TMEM135: variants seen among roughly 807,000 people sequenced by gnomAD.
TMEM135 encodes transmembrane protein 135, also known as peroxisomal membrane protein 52.
In TMEM135, 30 loss-of-function variants were observed where a neutral mutation model predicts 60.3. That is an observed-to-expected ratio of 0.50 (90% CI 0.37 to 0.68). The LOEUF (loss-of-function observed/expected upper bound fraction) is 0.68, where lower values mean the gene tolerates loss of function less well. Ranked by LOEUF, TMEM135 falls within the 30% of genes least tolerant of loss-of-function variation. TMEM135 has a pLI of 0.00. For synonymous variants in TMEM135, 190 were observed against 186.7 expected (o/e 1.02, Z -0.14); for missense variants, 468 against 548.8 (o/e 0.85, Z 1.47).
intron 4 of TMEM135, among the ~76,000 whole-genome samples, chr11:87,136,585 TA>T (rs1174862041): frequency 6.6e-6 from 1 of 152,074 alleles, no homozygotes; most frequent in African/African-American, 2.4e-5. Context: ...ATTTCTTCCT[TA>T]AATGTTTGGT....
At chr11:87,101,320 C>T (rs971501858) in intron 4 of TMEM135, among the ~76,000 whole-genome samples, 1 of 152,116 alleles carries the variant, frequency 6.6e-6, no homozygotes, top group Non-Finnish European at 1.5e-5. Flanking sequence ...GCAAAATTTG[C>T]ACTTGCATGA....
At chr11:87,186,914 T>C (rs1237071303) in intron 5 of TMEM135, among the ~76,000 whole-genome samples, 1 of 152,184 alleles carries the variant, frequency 6.6e-6, no homozygotes, top group Non-Finnish European at 1.5e-5. Flanking sequence ...ATAATAAGGA[T>C]AATAAAACAA....
Position 87,321,218 on chromosome 11 carries a change from G to A in TMEM135, c.1262G>A (p.Arg421Gln), listed in dbSNP as rs1459139056. Residue 421 changes from arginine to glutamine, a missense_variant, in exon 15 of 15, where the codon CGA becomes CAA. Coordinates refer to ENST00000305494, the MANE Select transcript of TMEM135 (RefSeq NM_022918.4). ...TTTTACAGATTTGCTGTCATGAACC[G>A]AAAAGTCCTTGATGTTTTTGGTACT... is the stretch of plus-strand genomic sequence containing the variant. Reference protein sequence around the residue: ...LTKGKFAVMNRKVLDVFGTGA... With the variant: ...LTKGKFAVMNQKVLDVFGTGA... 6 of 1,613,196 alleles carry A rather than the reference G, an allele frequency of 3.7e-6. No homozygotes were observed. Among genetic ancestry groups the A allele is most frequent in the East Asian group, 2.2e-5 (1 of 44,854 alleles).
chr11:87,223,872 A>AGAAG (rs34592561), intron 5 of TMEM135, among the ~76,000 whole-genome samples: 1 of 150,992 alleles, frequency 6.6e-6, no homozygotes, highest in African/African-American at 2.4e-5. Context: ...AAAGAAAGAA[A>AGAAG]AAACCCCCAA....
At chr11:87,057,422 G>T (rs577052215) in intron 1 of TMEM135, among the ~76,000 whole-genome samples, 9 of 152,148 alleles carry the variant, frequency 5.9e-5, no homozygotes, top group Non-Finnish European at 1.3e-4. Context: ...TGGCTTTCTT[G>T]TTTTGTTTTT....
At chr11:87,122,230 A>T (rs1336389014) in intron 4 of TMEM135, among the ~76,000 whole-genome samples, 1 of 151,346 alleles carries the variant, frequency 6.6e-6, no homozygotes, top group Non-Finnish European at 1.5e-5. Flanking sequence ...CAGCTTCCCC[A>T]TAACAATGAC....
At chr11:87,147,878 C>T (rs1324264657) in intron 4 of TMEM135, among the ~76,000 whole-genome samples, 1 of 152,206 alleles carries the variant, frequency 6.6e-6, no homozygotes, top group Non-Finnish European at 1.5e-5. Flanking sequence ...CTGCCTCAGC[C>T]TCCCGAGTAG....
At chr11:87,285,735 G>A (rs1018244916) in intron 6 of TMEM135, among the ~76,000 whole-genome samples, 30 of 152,208 alleles carry the variant, frequency 2.0e-4, no homozygotes, top group Admixed American at 1.5e-3. Context: ...AAGGGGACCC[G>A]AGCAGGTTGG....
intron 4 of TMEM135, among the ~76,000 whole-genome samples, chr11:87,137,277 A>G (rs1161598320): frequency 6.6e-6 from 1 of 151,982 alleles, no homozygotes; most frequent in African/African-American, 2.4e-5. Context: ...AAAAAAAAAA[A>G]AATCACTGAC....
chr11:87,240,867 A>T (rs1458394412), intron 6 of TMEM135, among the ~76,000 whole-genome samples: 3 of 142,278 alleles, frequency 2.1e-5, no homozygotes, highest in South Asian at 2.4e-4. Flanking sequence ...AACAAATCCA[A>T]GTTTATTTTA....
chr11:87,276,661 G>A (rs980314216), intron 6 of TMEM135, among the ~76,000 whole-genome samples: 1 of 128,774 alleles, frequency 7.8e-6, no homozygotes, highest in Non-Finnish European at 1.7e-5. Context: ...TAGTGTGTTT[G>A]TGAATTTTTT....
chr11:87,207,242 A>G (rs1400570871), intron 5 of TMEM135, among the ~76,000 whole-genome samples: 2 of 152,184 alleles, frequency 1.3e-5, no homozygotes, highest in Admixed American at 1.3e-4. Flanking sequence ...CTTGGGAAGA[A>G]TTCTCAAAGT....
intron 1 of TMEM135, among the ~76,000 whole-genome samples, chr11:87,066,598 CAA>C (rs34204350): frequency 0.18 from 21,770 of 120,818 alleles, 1,607 homozygotes; most frequent in East Asian, 0.23. Context: ...CAGAGTTCAC[CAA>C]AAAAAAAAAA....
At chr11:87,096,225 A>C (rs544387739) in intron 4 of TMEM135, 33 of 289,690 alleles carry the variant, frequency 1.1e-4, no homozygotes, top group African/African-American at 7.4e-4. Flanking sequence ...GTCCTTATTG[A>C]TGTCTGCAGA....
chr11:87,179,268 G>T (rs1406154392), intron 5 of TMEM135, among the ~76,000 whole-genome samples: 1 of 151,904 alleles, frequency 6.6e-6, no homozygotes, highest in East Asian at 1.9e-4. Context: ...TTTTCATTTT[G>T]GATCAAATCT....
chr11:87,266,334 GA>G (rs1450225437), intron 6 of TMEM135, among the ~76,000 whole-genome samples: 4 of 152,108 alleles, frequency 2.6e-5, no homozygotes, highest in African/African-American at 9.7e-5. Flanking sequence ...ATAACATTGT[GA>G]AATTTCATCT....
At chr11:87,135,165 A>T (rs1024462882) in intron 4 of TMEM135, among the ~76,000 whole-genome samples, 1 of 151,916 alleles carries the variant, frequency 6.6e-6, no homozygotes, top group African/African-American at 2.4e-5. Context: ...TTTGTAAAAA[A>T]TTTTTTTCCA....
At chr11:87,249,587 A>G (rs768051278) in intron 6 of TMEM135, among the ~76,000 whole-genome samples, 16 of 151,940 alleles carry the variant, frequency 1.1e-4, no homozygotes, top group East Asian at 1.9e-4. Context: ...GCTTATTGTT[A>G]TAACTTTTCT....
chr11:87,113,904 TAA>T (rs1409935692), intron 4 of TMEM135, among the ~76,000 whole-genome samples: 1 of 152,052 alleles, frequency 6.6e-6, no homozygotes, highest in East Asian at 1.9e-4. Flanking sequence ...ATAATACATA[TAA>T]AAGACGTACT....
Sources: allele counts gnomAD v4.1 joint callset (sites outside exome capture counted in the v4.1 genomes callset), GRCh38; gene constraint gnomAD v4.1.1; transcripts MANE v1.5; gene names NCBI Gene and HGNC (gene_info 2026-07-23, HGNC 2026-07-21).